The following SHISA9 variants were observed in gnomAD, a reference collection of about 807,000 sequenced individuals.
SHISA9 encodes the protein protein shisa-9.
Under a neutral mutation model 38.0 loss-of-function variants are expected in SHISA9, and 13 were observed. The ratio of observed to expected loss-of-function variants is 0.34; its 90% CI spans 0.22 to 0.54. The LOEUF (loss-of-function observed/expected upper bound fraction) is 0.54, where lower values mean the gene tolerates loss of function less well. Ranked by LOEUF, SHISA9 falls within the 20% of genes least tolerant of loss-of-function variation. SHISA9 has a pLI of 0.91. For synonymous variants in SHISA9, 275 were observed against 242.0 expected (o/e 1.14, Z -1.27); for missense variants, 538 against 575.8 (o/e 0.93, Z 0.67).
the SHISA9 span, among the ~76,000 whole-genome samples, chr16:13,511,984 C>T: frequency 6.6e-6 from 1 of 152,088 alleles, no homozygotes; most frequent in South Asian, 2.1e-4. Context: ...GAGCAAAAAA[C>T]TTCATAAAAC....
chr16:13,462,207 A>G, the SHISA9 span, among the ~76,000 whole-genome samples: 1 of 151,876 alleles, frequency 6.6e-6, no homozygotes, highest in Non-Finnish European at 1.5e-5. Context: ...GGAGTTCAAG[A>G]TGAGCCTGGG....
intron 2 of SHISA9, among the ~76,000 whole-genome samples, chr16:12,929,516 A>G (rs573158969): frequency 6.6e-6 from 1 of 152,304 alleles, no homozygotes; most frequent in East Asian, 1.9e-4. Context: ...GGAAGCCATT[A>G]TCCTCAGCAA....
At chr16:13,321,488 C>T in the SHISA9 span, among the ~76,000 whole-genome samples, 6 of 152,146 alleles carry the variant, frequency 3.9e-5, no homozygotes, top group African/African-American at 7.2e-5. Context: ...TACAGCCACC[C>T]TTGGGAAGGT....
At chr16:12,993,267 G>A (rs2072412431) in intron 2 of SHISA9, among the ~76,000 whole-genome samples, 1 of 152,106 alleles carries the variant, frequency 6.6e-6, no homozygotes, top group South Asian at 2.1e-4. Context: ...AAAGAACAGG[G>A]CCATGACAAG....
At chr16:13,005,373 A>G (rs1272078385) in intron 2 of SHISA9, among the ~76,000 whole-genome samples, 1 of 152,182 alleles carries the variant, frequency 6.6e-6, no homozygotes, top group Non-Finnish European at 1.5e-5. Flanking sequence ...GTGAAGGGCA[A>G]CCAACATTTA....
the SHISA9 span, among the ~76,000 whole-genome samples, chr16:13,255,414 T>C: frequency 1.3e-5 from 2 of 152,376 alleles, no homozygotes; most frequent in African/African-American, 4.8e-5. Flanking sequence ...TGTGTCTCTT[T>C]ATGTGTGTGT....
chr16:13,370,906 ACTTTT>A, the SHISA9 span, among the ~76,000 whole-genome samples: 3 of 152,188 alleles, frequency 2.0e-5, no homozygotes, highest in Admixed American at 6.5e-5. Flanking sequence ...CTTGCTGGGC[ACTTTT>A]CTTAGTGCTT....
At chr16:13,326,259 A>T in the SHISA9 span, among the ~76,000 whole-genome samples, 7 of 152,228 alleles carry the variant, frequency 4.6e-5, no homozygotes, top group Non-Finnish European at 8.8e-5. Context: ...TGATAACTAG[A>T]AGCATCCTCA....
the SHISA9 span, among the ~76,000 whole-genome samples, chr16:13,441,823 G>A: frequency 6.6e-6 from 1 of 152,196 alleles, no homozygotes. Flanking sequence ...CCCAGCCTCA[G>A]AGCTCTGGTT....
intron 2 of SHISA9, among the ~76,000 whole-genome samples, chr16:13,166,291 C>T (rs573298737): frequency 5.3e-5 from 8 of 152,180 alleles, no homozygotes; most frequent in Non-Finnish European, 1.2e-4. Flanking sequence ...TTCCATCGTT[C>T]CTTCTACCTG....
In SHISA9 at chr16:13,239,556, G is replaced by A. The variant is rs2051417885; in HGVS notation, c.*4147G>A. On this transcript the variant is annotated 3_prime_UTR_variant, in exon 5 of 5. Coordinates refer to ENST00000558583, the MANE Select transcript of SHISA9 (RefSeq NM_001145204.3). Reference sequence around the variant, plus strand: ...AACTGGCGTGAGATGGTATCTCATTGTGGTTTTGATTTGCATTTCTCTGAT... The same window carrying A: ...AACTGGCGTGAGATGGTATCTCATTATGGTTTTGATTTGCATTTCTCTGAT... 6.6e-6 allele frequency: 1 copy of A among 152,084 alleles called. No individual in the cohort carries two copies. Among genetic ancestry groups the A allele is most frequent in the African/African-American group, 2.4e-5 (1 of 41,406 alleles). The allele number at this position is 152,084 out of a possible 1,614,324, so 9.4% of individuals were successfully genotyped here.
rs182758406 is a variant in SHISA9 at position 13,014,990 on chromosome 16, A to T, written c.691+98175A>T. On this transcript the variant is annotated intron_variant, in intron 2 of 4. Transcript: ENST00000558583. ...CCAGCAGAGGGTTGGACATGAAGAT[A>T]TCCTAATAAATGGCTGGTTAGTGGA... 6.2e-4 allele frequency among the ~76,000 whole-genome samples: 94 copies of T among 152,328 alleles called. 2 individuals carry two copies. Among genetic ancestry groups the T allele is most frequent in the Admixed American group, 5.4e-3 (83 of 15,306 alleles).
chr16:13,436,802 C>A, the SHISA9 span, among the ~76,000 whole-genome samples: 3 of 152,108 alleles, frequency 2.0e-5, no homozygotes, highest in African/African-American at 4.8e-5. Context: ...AGTTGAGTCA[C>A]GTATTGTTTG....
At chr16:13,318,801 A>G in the SHISA9 span, among the ~76,000 whole-genome samples, 1 of 152,242 alleles carries the variant, frequency 6.6e-6, no homozygotes, top group African/African-American at 2.4e-5. Flanking sequence ...AAATGATCAA[A>G]TAAACCTGGA....
intron 2 of SHISA9, among the ~76,000 whole-genome samples, chr16:13,028,990 T>C (rs2072958745): frequency 6.6e-6 from 1 of 152,206 alleles, no homozygotes; most frequent in East Asian, 1.9e-4. Flanking sequence ...GCAAATGCAA[T>C]TGAGGTCTTC....
chr16:12,970,497 A>ATATATATAT (rs2072065619), intron 2 of SHISA9, among the ~76,000 whole-genome samples: 2 of 17,596 alleles, frequency 1.1e-4, no homozygotes, highest in African/African-American at 4.9e-4. Context: ...ATATATATAT[A>ATATATATAT]TTTTTTTTTT....
chr16:13,365,292 T>C, the SHISA9 span, among the ~76,000 whole-genome samples: 1 of 152,240 alleles, frequency 6.6e-6, no homozygotes, highest in African/African-American at 2.4e-5. Context: ...CTGCATTGCA[T>C]TGCCTCTGGC....
chr16:13,486,087 G>A, the SHISA9 span, among the ~76,000 whole-genome samples: 3 of 152,270 alleles, frequency 2.0e-5, no homozygotes, highest in Middle Eastern at 3.4e-3. Flanking sequence ...TTAGAAACAG[G>A]GGACCCCATT....
the SHISA9 span, among the ~76,000 whole-genome samples, chr16:13,502,232 A>G: frequency 6.7e-6 from 1 of 148,882 alleles, no homozygotes; most frequent in Non-Finnish European, 1.5e-5. Context: ...CATTTGGAGA[A>G]AAAGAAAGGA....
Sources: gnomAD v4.1 joint callset for allele counts (sites outside exome capture counted in the v4.1 genomes callset) on GRCh38, gnomAD v4.1.1 for gene constraint, MANE v1.5 for transcripts, NCBI Gene and HGNC (gene_info 2026-07-23, HGNC 2026-07-21) for gene names.